STXBP5L: variants seen among roughly 807,000 people sequenced by gnomAD.
The protein encoded by STXBP5L is syntaxin binding protein 5L, also known as syntaxin-binding protein 5-like.
In STXBP5L, 65 loss-of-function variants were observed where a neutral mutation model predicts 144.5. The observed-to-expected ratio is 0.45, with a 90% confidence interval of 0.37 to 0.55. The LOEUF is 0.55. Among genes scored for constraint, STXBP5L ranks in the 20% least tolerant of loss-of-function variants. STXBP5L has a pLI of 0.00. For synonymous variants in STXBP5L, 505 were observed against 469.6 expected (o/e 1.08, Z -0.97); for missense variants, 1,298 against 1,405.5 (o/e 0.92, Z 1.22).
At chr3:121,313,112 A>G (rs7430398) in intron 19 of STXBP5L, among the ~76,000 whole-genome samples, 89,163 of 126,752 alleles carry the variant, frequency 0.7, 30,695 homozygotes, top group East Asian at 0.9. Flanking sequence ...CCACCCTCCC[A>G]GACGGGGCGG....
At chr3:121,398,982 A>T (rs932765502) in intron 22 of STXBP5L, among the ~76,000 whole-genome samples, 2 of 152,124 alleles carry the variant, frequency 1.3e-5, no homozygotes, top group Non-Finnish European at 2.9e-5. Context: ...CTTTTCACCC[A>T]GTGTCCTCCG....
intron 7 of STXBP5L, among the ~76,000 whole-genome samples, chr3:121,125,020 T>A (rs1400576186): frequency 6.6e-6 from 1 of 152,192 alleles, no homozygotes; most frequent in East Asian, 1.9e-4. Context: ...ATTTCTTAAT[T>A]TGTTAATTTG....
intron 19 of STXBP5L, among the ~76,000 whole-genome samples, chr3:121,297,603 A>T (rs1438677747): frequency 6.6e-6 from 1 of 152,082 alleles, no homozygotes. Flanking sequence ...AAAATACAAA[A>T]ATTAGCTGGG....
intron 18 of STXBP5L, among the ~76,000 whole-genome samples, chr3:121,263,014 T>C (rs1417142723): frequency 1.3e-5 from 2 of 152,156 alleles, no homozygotes; most frequent in African/African-American, 4.8e-5. Context: ...CCCATGTGCC[T>C]CCTGACTGGG....
intron 3 of STXBP5L, among the ~76,000 whole-genome samples, chr3:121,020,089 A>C (rs1945436796): frequency 6.6e-6 from 1 of 152,202 alleles, no homozygotes; most frequent in Non-Finnish European, 1.5e-5. Flanking sequence ...AAACAATCAC[A>C]ACTTCTTGAA....
intron 12 of STXBP5L, among the ~76,000 whole-genome samples, chr3:121,234,656 G>GT (rs1315699369): frequency 6.6e-6 from 1 of 151,668 alleles, no homozygotes; most frequent in African/African-American, 2.4e-5. Context: ...GTTTGTAAAT[G>GT]TAAGATCCAG....
intron 22 of STXBP5L, among the ~76,000 whole-genome samples, chr3:121,405,076 T>A (rs188569199): frequency 6.6e-6 from 1 of 152,096 alleles, no homozygotes; most frequent in African/African-American, 2.4e-5. Context: ...TGTACTCTGG[T>A]ATCTCTTTTT....
intron 20 of STXBP5L, among the ~76,000 whole-genome samples, chr3:121,353,158 C>T (rs1490158361): frequency 4.6e-5 from 7 of 151,960 alleles, no homozygotes; most frequent in African/African-American, 1.7e-4. Context: ...TTTGTTGTGT[C>T]TCTGCCAGGC....
chr3:121,174,154 C>T (rs915396318), intron 9 of STXBP5L, among the ~76,000 whole-genome samples: 2 of 151,840 alleles, frequency 1.3e-5, no homozygotes, highest in Non-Finnish European at 2.9e-5. Context: ...AATATTATAC[C>T]GTTATGGTTT....
chr3:121,093,631 T>A (rs1263503008), intron 5 of STXBP5L, among the ~76,000 whole-genome samples: 1 of 152,230 alleles, frequency 6.6e-6, no homozygotes, highest in Non-Finnish European at 1.5e-5. Context: ...CCCTTTATCA[T>A]TTTTTCTTGC....
intron 20 of STXBP5L, among the ~76,000 whole-genome samples, chr3:121,372,640 T>C (rs748527079): frequency 6.6e-6 from 1 of 152,104 alleles, no homozygotes; most frequent in African/African-American, 2.4e-5. Flanking sequence ...TTCCCAGCTT[T>C]CTTCTCCTTT....
intron 19 of STXBP5L, among the ~76,000 whole-genome samples, chr3:121,315,971 C>G (rs532864911): frequency 6.7e-6 from 1 of 148,724 alleles, no homozygotes; most frequent in South Asian, 2.2e-4. Context: ...CCAATTCATT[C>G]CAGCCTGGGC....
At position 121,006,435 on chromosome 3, in the gene STXBP5L, C is replaced by T. The variant is rs566994636; in HGVS notation, c.288-35265C>T. ...TCTTCCTCCATCCCTTTATTTTGAG[C>T]CTATGTGTGTCCCTGCACGTGAGAT... On this transcript the variant is annotated intron_variant, in intron 3 of 26. Coordinates refer to ENST00000471454, the MANE Select transcript of STXBP5L (RefSeq NM_001308330.2). 1.8e-3 allele frequency among the ~76,000 whole-genome samples: 277 copies of T among 152,116 alleles called. 1 individual carries two copies. Among genetic ancestry groups the T allele is most frequent in the African/African-American group, 6.4e-3 (266 of 41,484 alleles).
intron 2 of STXBP5L, among the ~76,000 whole-genome samples, chr3:120,917,361 G>A (rs1280481281): frequency 8.5e-5 from 13 of 152,156 alleles, no homozygotes; most frequent in Admixed American, 8.5e-4. Context: ...TAGGGGAGAT[G>A]TGTGAGGAAT....
rs143342492 is a variant in STXBP5L at position 120,985,736 on chromosome 3, C to G, written c.287+30699C>G. Among the ~76,000 whole-genome samples the G allele has an allele frequency of 3.9e-3, 590 of 151,880 alleles. 2 individuals carry two copies. The highest frequency in any genetic ancestry group is 3.6e-3 in the Non-Finnish European group (247 of 67,816). On this transcript the variant is annotated intron_variant, in intron 3 of 26. Transcript: ENST00000471454. ...ATTGTTATAGGATTGCCTTATCATCCTTTTTATTTCTGTATAATGAGTAGT... is the reference window on the plus strand; with the variant it reads ...ATTGTTATAGGATTGCCTTATCATCGTTTTTATTTCTGTATAATGAGTAGT...
intron 20 of STXBP5L, among the ~76,000 whole-genome samples, chr3:121,336,602 A>T (rs2044515238): frequency 6.6e-6 from 1 of 152,150 alleles, no homozygotes; most frequent in East Asian, 1.9e-4. Flanking sequence ...AGTAAAAAAA[A>T]AAATAACAGA....
intron 3 of STXBP5L, among the ~76,000 whole-genome samples, chr3:120,988,283 C>A (rs1942498772): frequency 6.6e-6 from 1 of 151,676 alleles, no homozygotes; most frequent in South Asian, 2.1e-4. Flanking sequence ...ACTGCTTTAG[C>A]TGTTTTAATA....
At chr3:120,913,840 C>T (rs1330081397) in intron 2 of STXBP5L, among the ~76,000 whole-genome samples, 1 of 151,880 alleles carries the variant, frequency 6.6e-6, no homozygotes, top group Admixed American at 6.6e-5. Flanking sequence ...GTGCCTGGCC[C>T]ATTGAAGGCA....
chr3:121,410,152 G>A, intron 23 of STXBP5L, among the ~76,000 whole-genome samples: 1 of 151,764 alleles, frequency 6.6e-6, no homozygotes, highest in Non-Finnish European at 1.5e-5. Context: ...GTTTGAAAAT[G>A]ATTTAACTCC....
Sources: allele counts gnomAD v4.1 joint callset (sites outside exome capture counted in the v4.1 genomes callset), GRCh38; gene constraint gnomAD v4.1.1; transcripts MANE v1.5; gene names NCBI Gene and HGNC (gene_info 2026-07-23, HGNC 2026-07-21).